Variants in EEA1 observed in about 807,000 individuals in gnomAD.
EEA1 encodes the protein early endosome antigen 1, 162kD.
Under a neutral mutation model 209.2 loss-of-function variants are expected in EEA1, and 111 were observed. The observed-to-expected ratio is 0.53, with a 90% confidence interval of 0.45 to 0.62. EEA1 has a LOEUF of 0.62. Ranked by LOEUF, EEA1 falls within the 20% of genes least tolerant of loss-of-function variation. EEA1 has a pLI of 0.00. For synonymous variants in EEA1, 536 were observed against 540.6 expected (o/e 0.99, Z 0.12); for missense variants, 1,343 against 1,530.8 (o/e 0.88, Z 2.05).
intron 3 of EEA1, among the ~76,000 whole-genome samples, chr12:92,864,472 G>C (rs1878285975): frequency 6.6e-6 from 1 of 151,990 alleles, no homozygotes; most frequent in South Asian, 2.1e-4. Flanking sequence ...ATTATAAATG[G>C]AAATTTTTAA....
chr12:92,817,461 G>C (rs1167830335), intron 14 of EEA1, among the ~76,000 whole-genome samples: 1 of 151,998 alleles, frequency 6.6e-6, no homozygotes, highest in Non-Finnish European at 1.5e-5. Flanking sequence ...CCAGGCTCAA[G>C]TGATCCTTTC....
chr12:92,816,948 A>G (rs1303146245), intron 14 of EEA1, among the ~76,000 whole-genome samples: 2 of 150,880 alleles, frequency 1.3e-5, no homozygotes, highest in Non-Finnish European at 2.9e-5. Flanking sequence ...ACTTTTTTTT[A>G]ATTTAGATGA....
intron 2 of EEA1, chr12:92,883,863 G>A (rs1453129292): frequency 5.6e-6 from 9 of 1,602,400 alleles, no homozygotes; most frequent in African/African-American, 1.3e-5. Context: ...ATGAGAGCCT[G>A]AGGAGCCATT....
At chr12:92,903,598 C>CA (rs1009767907) in intron 1 of EEA1, among the ~76,000 whole-genome samples, 31 of 125,860 alleles carry the variant, frequency 2.5e-4, no homozygotes, top group South Asian at 1.0e-3. Context: ...AACTCCATCT[C>CA]AAAAAAAAAA....
At chr12:92,914,370 T>C (rs1880687712) in intron 1 of EEA1, among the ~76,000 whole-genome samples, 1 of 152,206 alleles carries the variant, frequency 6.6e-6, no homozygotes. Flanking sequence ...CAGTACCATG[T>C]TTACTGTAGC....
At chr12:92,884,069 G>A in intron 2 of EEA1, 1 of 1,309,246 alleles carries the variant, frequency 7.6e-7, no homozygotes, top group Non-Finnish European at 1.1e-6. Context: ...CAAAGACCAG[G>A]TGCCCACTTA....
chr12:92,861,914 C>T (rs1307719518), intron 3 of EEA1, among the ~76,000 whole-genome samples: 3 of 152,138 alleles, frequency 2.0e-5, no homozygotes, highest in Non-Finnish European at 4.4e-5. Context: ...TTTGAACCAT[C>T]TGAATTTTGT....
intron 3 of EEA1, among the ~76,000 whole-genome samples, chr12:92,861,834 T>C (rs939687272): frequency 3.3e-5 from 5 of 151,974 alleles, no homozygotes; most frequent in African/African-American, 1.2e-4. Context: ...GAAGAATACG[T>C]AAGAAATTGA....
At chr12:92,839,015 T>C (rs545031259) in intron 10 of EEA1, among the ~76,000 whole-genome samples, 1 of 152,274 alleles carries the variant, frequency 6.6e-6, no homozygotes, top group South Asian at 2.1e-4. Flanking sequence ...ATAGAATTGA[T>C]AGTATTTGTT....
chr12:92,802,765 AAC>A, intron 18 of EEA1, 31 bp from the exon 19 acceptor site: 5 of 1,453,010 alleles, frequency 3.4e-6, no homozygotes, highest in Non-Finnish European at 4.6e-6. Flanking sequence ...CTTTTTAAAT[AAC>A]ACATAATTTA....
intron 9 of EEA1, among the ~76,000 whole-genome samples, chr12:92,847,255 C>T (rs1318679458): frequency 6.6e-6 from 1 of 152,070 alleles, no homozygotes; most frequent in African/African-American, 2.4e-5. Flanking sequence ...GCACCTGGCC[C>T]TTAAAAATAA....
intron 9 of EEA1, among the ~76,000 whole-genome samples, chr12:92,848,669 CTAAA>C (rs1395043766): frequency 6.7e-6 from 1 of 148,300 alleles, no homozygotes; most frequent in African/African-American, 2.5e-5. Flanking sequence ...AGAGTAACTC[CTAAA>C]TGTTACTTAG....
chr12:92,845,144 T>C (rs1877336496), intron 9 of EEA1, among the ~76,000 whole-genome samples: 1 of 152,124 alleles, frequency 6.6e-6, no homozygotes, highest in Non-Finnish European at 1.5e-5. Context: ...CAAATTTGGA[T>C]ATTGTGAAAA....
chr12:92,853,745 G>T (rs1250228444), intron 6 of EEA1, among the ~76,000 whole-genome samples, 170 bp downstream of exon 6: 1 of 152,086 alleles, frequency 6.6e-6, no homozygotes, highest in Non-Finnish European at 1.5e-5. Flanking sequence ...AAATTATGAA[G>T]TTCACATGTA....
chr12:92,842,653 T>C, intron 9 of EEA1, 72 bp from the exon 10 acceptor site: 1 of 951,870 alleles, frequency 1.1e-6, no homozygotes, highest in Non-Finnish European at 1.6e-6. Context: ...TGAAAGTATA[T>C]AAAGGTTTTA....
chr12:92,838,500 T>C (rs1016557595), intron 10 of EEA1, among the ~76,000 whole-genome samples: 3 of 152,146 alleles, frequency 2.0e-5, no homozygotes, highest in African/African-American at 7.2e-5. Context: ...TACGTGTAGT[T>C]TGACAGGATA....
At chr12:92,879,665 C>A (rs977804022) in intron 2 of EEA1, among the ~76,000 whole-genome samples, 7 of 152,234 alleles carry the variant, frequency 4.6e-5, no homozygotes, top group Non-Finnish European at 8.8e-5. Flanking sequence ...GTGGTAAAAA[C>A]CTTAAATGCT....
At position 92,929,163 on chromosome 12, in the gene EEA1, G is replaced by T; in HGVS notation, c.-97C>A. The T allele has an allele frequency of 7.7e-7, 1 of 1,299,870 alleles. No individual in the cohort carries two copies. The highest frequency in any genetic ancestry group is 1.1e-6 in the Non-Finnish European group (1 of 940,906). 80.5% of individuals were successfully genotyped at this position (1,299,870 alleles called of 1,614,324 possible). A position where few individuals can be genotyped will look rare whatever the true frequency, so the allele number is the denominator to read the frequency against. ...GCGCGGGCGGGAGGGACTGGGCCGG[G>T]AGGGGACCGGGAAGGAGGTCGGGGC... On this transcript the variant is annotated 5_prime_UTR_variant, in exon 1 of 29. Transcript: ENST00000322349.
In EEA1 at chr12:92,779,317, G is replaced by A. The variant is rs968628968; in HGVS notation, c.3469-17C>T. On this transcript the variant is annotated splice_polypyrimidine_tract_variant and intron_variant, in intron 24 of 28. Coordinates refer to ENST00000322349, the MANE Select transcript of EEA1 (RefSeq NM_003566.4). The stretch of plus-strand genomic sequence containing the variant: ...TGTTATCTCCTGTTGAAAAAGTAGG[G>A]CCAAAAATAAATCATCCTTCATAGT... 5 of 1,564,158 alleles carry A rather than the reference G, an allele frequency of 3.2e-6. No homozygotes were observed. The highest frequency in any genetic ancestry group is 4.3e-6 in the Non-Finnish European group (5 of 1,164,666).
Sources: gnomAD v4.1 joint callset for allele counts (sites outside exome capture counted in the v4.1 genomes callset) on GRCh38, gnomAD v4.1.1 for gene constraint, MANE v1.5 for transcripts, NCBI Gene and HGNC (gene_info 2026-07-23, HGNC 2026-07-21) for gene names.